The following SLC16A12 variants were observed in gnomAD, a reference collection of about 807,000 sequenced individuals.
SLC16A12 encodes the protein monocarboxylate transporter 12.
Under a neutral mutation model 42.4 loss-of-function variants are expected in SLC16A12, and 17 were observed. That is an observed-to-expected ratio of 0.40 (90% CI 0.27 to 0.60). The LOEUF is 0.60. Ranked by LOEUF, SLC16A12 falls within the 20% of genes least tolerant of loss-of-function variation. SLC16A12 has a pLI of 0.42. For missense variants in SLC16A12, 544 were observed against 623.0 expected (o/e 0.87, Z 1.35); for synonymous variants, 224 against 229.4 (o/e 0.98, Z 0.21).
chr10:89,542,119 G>A (rs1038272934), intron 2 of SLC16A12, among the ~76,000 whole-genome samples: 1 of 151,908 alleles, frequency 6.6e-6, no homozygotes, highest in East Asian at 1.9e-4. Context: ...GAATGTGGAT[G>A]TCTACTCATT....
intron 2 of SLC16A12, among the ~76,000 whole-genome samples, chr10:89,475,221 TC>T (rs552966915): frequency 6.6e-6 from 1 of 152,336 alleles, no homozygotes; most frequent in African/African-American, 2.4e-5. Flanking sequence ...AGGGTAATTT[TC>T]CAAGTATGAG....
chr10:89,527,536 C>T (rs551021894), intron 2 of SLC16A12, among the ~76,000 whole-genome samples: 1 of 151,602 alleles, frequency 6.6e-6, no homozygotes, highest in East Asian at 1.9e-4. Context: ...TAGCTTACAT[C>T]TATAATCTCA....
intron 2 of SLC16A12, among the ~76,000 whole-genome samples, chr10:89,552,988 C>T (rs967021762): frequency 2.6e-5 from 4 of 152,286 alleles, no homozygotes; most frequent in Admixed American, 6.5e-5. Flanking sequence ...AATGTACCTC[C>T]GTCCCTCTGT....
chr10:89,448,784 C>G (rs978195095), intron 3 of SLC16A12, among the ~76,000 whole-genome samples: 27 of 152,094 alleles, frequency 1.8e-4, no homozygotes, highest in South Asian at 8.3e-4. Context: ...AAGAAATAAA[C>G]GTTATTCAAT....
At chr10:89,443,566 T>C (rs760272332) in intron 4 of SLC16A12, among the ~76,000 whole-genome samples, 190 bp downstream of exon 4, 1 of 152,238 alleles carries the variant, frequency 6.6e-6, no homozygotes, top group Non-Finnish European at 1.5e-5. Flanking sequence ...AGACCATTAA[T>C]TACAAGAGCA....
At chr10:89,540,886 T>G (rs1405434070) in intron 2 of SLC16A12, among the ~76,000 whole-genome samples, 2 of 152,080 alleles carry the variant, frequency 1.3e-5, no homozygotes, top group South Asian at 2.1e-4. Context: ...TTCTACCACT[T>G]CTTACCAAGA....
intron 2 of SLC16A12, among the ~76,000 whole-genome samples, chr10:89,515,924 T>A (rs1843244014): frequency 1.3e-5 from 2 of 152,210 alleles, no homozygotes; most frequent in Non-Finnish European, 2.9e-5. Flanking sequence ...CAGAGCCAAT[T>A]ATATCTTATA....
intron 2 of SLC16A12, among the ~76,000 whole-genome samples, chr10:89,487,717 C>A (rs1237160251): frequency 7.0e-6 from 1 of 143,644 alleles, no homozygotes; most frequent in Admixed American, 7.4e-5. Context: ...GAGGCTTAGG[C>A]ACAAGAATGG....
At chr10:89,473,078 C>G (rs184606266) in intron 2 of SLC16A12, among the ~76,000 whole-genome samples, 3 of 150,530 alleles carry the variant, frequency 2.0e-5, no homozygotes, top group Non-Finnish European at 4.4e-5. Flanking sequence ...TTCGGCCTCC[C>G]AAAGTGCTGG....
At chr10:89,459,316 T>TA (rs111833100) in intron 3 of SLC16A12, among the ~76,000 whole-genome samples, 27,061 of 148,766 alleles carry the variant, frequency 0.18, 2,846 homozygotes, top group Non-Finnish European at 0.23. Flanking sequence ...GCAGTTTTTT[T>TA]AAAAAAAAAA....
intron 2 of SLC16A12, among the ~76,000 whole-genome samples, chr10:89,543,326 T>C (rs965355381): frequency 1.7e-4 from 26 of 152,222 alleles, no homozygotes; most frequent in African/African-American, 6.3e-4. Flanking sequence ...CACAAAGCCT[T>C]CCCATCCAAC....
chr10:89,472,468 CTTTTCTTTTCTTTTCTTTCTTTTTTTTTT>C (rs1339900383), intron 2 of SLC16A12, among the ~76,000 whole-genome samples: 4 of 125,474 alleles, frequency 3.2e-5, no homozygotes, highest in Non-Finnish European at 7.0e-5. Context: ...TTTCTTTTTT[CTTTTCTTTTCTTTTCTTTCTTTTTTTTTT>C]TTTTTTTTTT....
chr10:89,491,941 T>C (rs1228282772), intron 2 of SLC16A12, among the ~76,000 whole-genome samples: 3 of 152,038 alleles, frequency 2.0e-5, no homozygotes, highest in Non-Finnish European at 4.4e-5. Flanking sequence ...GAAAAACATA[T>C]AGACAGGAGC....
chr10:89,525,468 G>A (rs1462936404), intron 2 of SLC16A12, among the ~76,000 whole-genome samples: 1 of 152,232 alleles, frequency 6.6e-6, no homozygotes, highest in African/African-American at 2.4e-5. Context: ...GGATATGGAA[G>A]ATAACGAAAG....
At chr10:89,518,568 T>C (rs1160264416) in intron 2 of SLC16A12, among the ~76,000 whole-genome samples, 1 of 152,188 alleles carries the variant, frequency 6.6e-6, no homozygotes, top group African/African-American at 2.4e-5. Context: ...GCCTGGATTA[T>C]TTTCGAGGTG....
chr10:89,501,869 G>A (rs1334494488), intron 2 of SLC16A12, among the ~76,000 whole-genome samples: 2 of 152,168 alleles, frequency 1.3e-5, no homozygotes. Context: ...TAAAGTGTAA[G>A]CTCCATGCAG....
chr10:89,490,021 C>CA (rs1170343639), intron 2 of SLC16A12, among the ~76,000 whole-genome samples: 1 of 151,908 alleles, frequency 6.6e-6, no homozygotes, highest in African/African-American at 2.4e-5. Context: ...ACTTGAAAAT[C>CA]AAAAAAACTA....
At chr10:89,500,832 A>C (rs1842982903) in intron 2 of SLC16A12, among the ~76,000 whole-genome samples, 1 of 152,208 alleles carries the variant, frequency 6.6e-6, no homozygotes, top group Admixed American at 6.5e-5. Flanking sequence ...CATCCAAATC[A>C]GTGAAGAAGA....
intron 6 of SLC16A12, among the ~76,000 whole-genome samples, chr10:89,437,501 G>A (rs1841821913): frequency 6.6e-6 from 1 of 151,916 alleles, no homozygotes; most frequent in African/African-American, 2.4e-5. Context: ...GGTTAATAAG[G>A]AGCAAAGCCA....
Sources: gnomAD v4.1 joint callset for allele counts (sites outside exome capture counted in the v4.1 genomes callset) on GRCh38, gnomAD v4.1.1 for gene constraint, MANE v1.5 for transcripts, NCBI Gene and HGNC (gene_info 2026-07-23, HGNC 2026-07-21) for gene names.